Variants in TM9SF2 observed in about 807,000 individuals in gnomAD.
TM9SF2 encodes the protein 76 kDa membrane protein.
In TM9SF2, 13 loss-of-function variants were observed where a neutral mutation model predicts 84.9. The observed-to-expected ratio is 0.15, with a 90% CI of 0.10 to 0.24. The LOEUF (loss-of-function observed/expected upper bound fraction) is 0.24. Among genes scored for constraint, TM9SF2 ranks in the 10% least tolerant of loss-of-function variants. The probability of loss-of-function intolerance (pLI) is 1.00; values close to 1 mark genes in which losing one functional copy is unlikely to be tolerated. For synonymous variants in TM9SF2, 273 were observed against 285.8 expected (o/e 0.96, Z 0.45); for missense variants, 562 against 818.5 (o/e 0.69, Z 3.82).
rs749459619 is a variant in TM9SF2 at position 99,537,833 on chromosome 13, G to T, written c.686G>T (p.Arg229Ile). 1 of 1,608,852 alleles carries T rather than the reference G, an allele frequency of 6.2e-7. No homozygotes were observed. The change falls in exon 6 of 17, where the codon AGA (arginine) becomes ATA (isoleucine). Residue 229 changes from arginine to isoleucine, a missense_variant. By Grantham distance (97) the Arg-to-Ile change is moderately conservative. Transcript: ENST00000376387. Reference protein sequence around the residue: ...HVVETGSMGARLVAAKLEPKS... With the variant: ...HVVETGSMGAILVAAKLEPKS... ...GTTGAAACTGGGTCCATGGGAGCAA[G>T]ATTAGTGGCTGCTAAACTTGAACCG...
intron 1 of TM9SF2, chr13:99,514,276 C>G (rs2046125131): frequency 6.6e-6 from 1 of 152,244 alleles, no homozygotes. Flanking sequence ...TCACCGCTCA[C>G]TCACCCAGAG....
intron 12 of TM9SF2, among the ~76,000 whole-genome samples, chr13:99,549,852 A>G (rs1192576208): frequency 6.6e-6 from 1 of 152,232 alleles, no homozygotes; most frequent in Non-Finnish European, 1.5e-5. Context: ...GATGAAGTCT[A>G]GAAACCAGAA....
At chr13:99,558,321 G>A (rs988995081) in intron 15 of TM9SF2, among the ~76,000 whole-genome samples, 1 of 152,144 alleles carries the variant, frequency 6.6e-6, no homozygotes, top group Non-Finnish European at 1.5e-5. Context: ...AATTCCATTT[G>A]AATTTGAGGA....
At chr13:99,546,380 G>A (rs1175302387) in intron 10 of TM9SF2, among the ~76,000 whole-genome samples, 1 of 152,154 alleles carries the variant, frequency 6.6e-6, no homozygotes, top group Non-Finnish European at 1.5e-5. Context: ...TAGTAGGAAG[G>A]CTTACATAGG....
chr13:99,517,552 G>T, intron 1 of TM9SF2, 62 bp from the exon 2 acceptor site: 1 of 1,089,284 alleles, frequency 9.2e-7, no homozygotes, highest in East Asian at 2.6e-5. Context: ...TTAATTCTAA[G>T]CATGACTTAA....
chr13:99,543,844 G>T lies in TM9SF2; in HGVS notation c.1018-19G>T. On this transcript the variant is annotated intron_variant, in intron 9 of 16. Coordinates refer to ENST00000376387, the MANE Select transcript of TM9SF2 (RefSeq NM_004800.3). ...GTTGATACCATGAGACAATCGAACTGATTTCATTCCCCTTTTAGGAAGATG... is the reference window on the plus strand; with the variant it reads ...GTTGATACCATGAGACAATCGAACTTATTTCATTCCCCTTTTAGGAAGATG... 1 of 1,613,102 alleles carries T rather than the reference G, an allele frequency of 6.2e-7. No homozygotes were observed. The highest frequency in any genetic ancestry group is 1.1e-5 in the South Asian group (1 of 91,012).
chr13:99,536,047 A>G (rs982749903), intron 4 of TM9SF2, among the ~76,000 whole-genome samples: 1 of 151,966 alleles, frequency 6.6e-6, no homozygotes, highest in Non-Finnish European at 1.5e-5. Flanking sequence ...TATATCTTGC[A>G]ATTGTATTCC....
intron 1 of TM9SF2, among the ~76,000 whole-genome samples, chr13:99,511,852 G>GT (rs1437840095): frequency 5.3e-5 from 8 of 152,216 alleles, no homozygotes; most frequent in African/African-American, 1.9e-4. Flanking sequence ...GAAATAAAAA[G>GT]TTACGGTAGC....
intron 1 of TM9SF2, among the ~76,000 whole-genome samples, chr13:99,508,444 C>T (rs2046098772): frequency 7.0e-6 from 1 of 143,512 alleles, no homozygotes; most frequent in African/African-American, 2.6e-5. Context: ...CACACACACA[C>T]CCCAGAGATT....
chr13:99,525,651 G>T (rs1187906711), intron 3 of TM9SF2, among the ~76,000 whole-genome samples: 2 of 151,156 alleles, frequency 1.3e-5, no homozygotes, highest in African/African-American at 4.9e-5. Context: ...CACCTGCCGA[G>T]TTCACACCAT....
intron 3 of TM9SF2, among the ~76,000 whole-genome samples, chr13:99,524,687 C>G (rs1372662290): frequency 6.6e-6 from 1 of 151,632 alleles, no homozygotes; most frequent in African/African-American, 2.4e-5. Flanking sequence ...AGGACTCTCC[C>G]CATCCTCCTG....
chr13:99,521,925 C>T (rs988665320), intron 3 of TM9SF2, among the ~76,000 whole-genome samples: 8 of 152,106 alleles, frequency 5.3e-5, no homozygotes, highest in African/African-American at 1.7e-4. Flanking sequence ...CAGGCTTGTC[C>T]TGAACTTCTG....
intron 16 of TM9SF2, among the ~76,000 whole-genome samples, chr13:99,561,780 T>C (rs2046345973): frequency 1.3e-5 from 2 of 152,236 alleles, no homozygotes; most frequent in African/African-American, 4.8e-5. Flanking sequence ...TTATTTATAG[T>C]CCCTTATGTG....
chr13:99,560,470 T>G (rs1017873443), intron 16 of TM9SF2, among the ~76,000 whole-genome samples: 1 of 152,116 alleles, frequency 6.6e-6, no homozygotes. Context: ...AGCTGTAAAT[T>G]TTAATAAATC....
intron 4 of TM9SF2, among the ~76,000 whole-genome samples, chr13:99,531,204 A>G (rs1268762501): frequency 6.6e-6 from 1 of 152,186 alleles, no homozygotes; most frequent in Non-Finnish European, 1.5e-5. Context: ...CAACATTTGA[A>G]GTATAACCAT....
intron 4 of TM9SF2, among the ~76,000 whole-genome samples, chr13:99,532,354 G>A (rs1264844413): frequency 6.6e-6 from 1 of 151,952 alleles, no homozygotes; most frequent in Non-Finnish European, 1.5e-5. Context: ...CCGGCCTTGT[G>A]GGTGATTTTT....
At chr13:99,541,536 T>C in intron 8 of TM9SF2, 23 bp from the exon 9 acceptor site, 2 of 1,543,822 alleles carry the variant, frequency 1.3e-6, no homozygotes, top group Non-Finnish European at 1.8e-6. Context: ...TACAGATTAC[T>C]CATGATGTGC....
rs187809456 is a variant in TM9SF2 at position 99,560,056 on chromosome 13, A to G, written c.1924+522A>G. The stretch of plus-strand genomic sequence containing the variant: ...TATTTTATTGGTATTTATTTTATAT[A>G]TGTATATATCTTCTCTATCCAACTA... On this transcript the variant is annotated intron_variant, in intron 16 of 16. Coordinates refer to ENST00000376387, the MANE Select transcript of TM9SF2 (RefSeq NM_004800.3). Among the ~76,000 whole-genome samples, 385 of 152,242 alleles carry G rather than the reference A, an allele frequency of 2.5e-3. 2 individuals are homozygous for G. Among genetic ancestry groups the G allele is most frequent in the African/African-American group, 8.7e-3 (361 of 41,530 alleles).
chr13:99,508,443 A>ACACACACACACCC, intron 1 of TM9SF2, among the ~76,000 whole-genome samples: 1 of 147,560 alleles, frequency 6.8e-6, no homozygotes, highest in East Asian at 2.0e-4. Flanking sequence ...ACACACACAC[A>ACACACACACACCC]CCCCAGAGAT....
Sources: gnomAD v4.1 joint callset for allele counts (sites outside exome capture counted in the v4.1 genomes callset) on GRCh38, gnomAD v4.1.1 for gene constraint, MANE v1.5 for transcripts, NCBI Gene and HGNC (gene_info 2026-07-23, HGNC 2026-07-21) for gene names.